Variants in BTBD10 observed in about 807,000 individuals in gnomAD.
The protein encoded by BTBD10 is BTB domain containing 10.
A neutral mutation model predicts 53.2 loss-of-function variants in BTBD10; 21 were observed. The ratio of observed to expected loss-of-function variants is 0.39; its 90% CI spans 0.28 to 0.57. The LOEUF is 0.57. Among genes scored for constraint, BTBD10 ranks in the 20% least tolerant of loss-of-function variants. The pLI is 0.53. For missense variants in BTBD10, 360 were observed against 594.7 expected, an observed-to-expected ratio of 0.61 and a Z score of 4.10; for synonymous variants, 149 against 192.7, an observed-to-expected ratio of 0.77 and a Z score of 1.88.
At chr11:13,427,895 C>A (rs1432659147) in intron 2 of BTBD10, among the ~76,000 whole-genome samples, 1 of 151,678 alleles carries the variant, frequency 6.6e-6, no homozygotes, top group Non-Finnish European at 1.5e-5. Context: ...ATAAATAAAT[C>A]AAAAAGGAAA....
At chr11:13,412,652 A>G (rs1428658122) in intron 6 of BTBD10, among the ~76,000 whole-genome samples, 1 of 152,206 alleles carries the variant, frequency 6.6e-6, no homozygotes, top group Non-Finnish European at 1.5e-5. Flanking sequence ...CCTGGGCACT[A>G]TGGAAGATAT....
At chr11:13,421,423 TAAG>T (rs1950240436) in intron 3 of BTBD10, among the ~76,000 whole-genome samples, 1 of 152,246 alleles carries the variant, frequency 6.6e-6, no homozygotes, top group African/African-American at 2.4e-5. Context: ...ACTTATTTTA[TAAG>T]ACTGTCCCAG....
chr11:13,412,064 C>G (rs1419258425), intron 6 of BTBD10, among the ~76,000 whole-genome samples: 2 of 152,106 alleles, frequency 1.3e-5, no homozygotes, highest in Non-Finnish European at 2.9e-5. Flanking sequence ...CTCCCGACCT[C>G]AGGTGATCCG....
At chr11:13,461,457 G>A (rs963481473) in intron 1 of BTBD10, among the ~76,000 whole-genome samples, 3 of 152,120 alleles carry the variant, frequency 2.0e-5, no homozygotes, top group African/African-American at 4.8e-5. Flanking sequence ...ACTAGTACCC[G>A]AAGGCATGTG....
chr11:13,405,963 C>T (rs1402764256), intron 6 of BTBD10, 107 bp from the exon 7 acceptor site: 1 of 993,280 alleles, frequency 1.0e-6, no homozygotes, highest in Non-Finnish European at 1.5e-6. Context: ...TACATAGGCC[C>T]CCTCATTTTA....
intron 2 of BTBD10, among the ~76,000 whole-genome samples, chr11:13,444,600 T>C (rs1407789183): frequency 6.6e-6 from 1 of 152,174 alleles, no homozygotes; most frequent in Non-Finnish European, 1.5e-5. Context: ...GACAACACAA[T>C]ATAAACTCAG....
intron 1 of BTBD10, among the ~76,000 whole-genome samples, chr11:13,448,663 C>CATCT (rs1203400770): frequency 6.6e-6 from 1 of 152,148 alleles, no homozygotes; most frequent in Non-Finnish European, 1.5e-5. Context: ...AAGCCCTTAT[C>CATCT]ATCTATCAGT....
chr11:13,416,530 A>C (rs1481103833), intron 5 of BTBD10, among the ~76,000 whole-genome samples: 1 of 152,250 alleles, frequency 6.6e-6, no homozygotes, highest in East Asian at 1.9e-4. Flanking sequence ...TGATCGATTT[A>C]CTGTATTTAG....
Position 13,404,384 on chromosome 11 carries a change from A to G in BTBD10, c.1007-1106T>C, listed in dbSNP as rs78476696. 5.8e-3 allele frequency among the ~76,000 whole-genome samples: 890 copies of G among 152,266 alleles called. 10 individuals carry two copies. The highest frequency in any genetic ancestry group is 0.021 in the African/African-American group (866 of 41,568). ...CAAGAAAACAAAAATATTGAAGTGA[A>G]AAGTTCAACAATGGAAAAGAAAACA... On this transcript the variant is annotated intron_variant, in intron 7 of 8. Coordinates refer to ENST00000278174, the MANE Select transcript of BTBD10 (RefSeq NM_032320.7).
chr11:13,447,076 C>T (rs1314885679), intron 1 of BTBD10, among the ~76,000 whole-genome samples: 1 of 152,226 alleles, frequency 6.6e-6, no homozygotes, highest in Non-Finnish European at 1.5e-5. Flanking sequence ...CCTTACTCTA[C>T]ATATCCTCAA....
At chr11:13,420,805 AT>A (rs1209197390) in intron 3 of BTBD10, among the ~76,000 whole-genome samples, 1 of 152,196 alleles carries the variant, frequency 6.6e-6, no homozygotes, top group African/African-American at 2.4e-5. Context: ...ATAATTTATT[AT>A]ATCCTGCTAT....
At chr11:13,436,843 G>A (rs765535585) in intron 2 of BTBD10, among the ~76,000 whole-genome samples, 3 of 152,012 alleles carry the variant, frequency 2.0e-5, no homozygotes, top group Non-Finnish European at 4.4e-5. Context: ...GTGCAGTGGC[G>A]TGATCTCTGC....
At chr11:13,421,320 T>G (rs545906613) in intron 3 of BTBD10, among the ~76,000 whole-genome samples, 1 of 152,316 alleles carries the variant, frequency 6.6e-6, no homozygotes, top group South Asian at 2.1e-4. Context: ...TATCAATAAT[T>G]TACTACAAAC....
At chr11:13,427,963 G>T (rs1215924467) in intron 2 of BTBD10, among the ~76,000 whole-genome samples, 4 of 150,770 alleles carry the variant, frequency 2.7e-5, no homozygotes, top group Non-Finnish European at 4.5e-5. Context: ...ATAATTTGTG[G>T]CATGGTATGA....
intron 8 of BTBD10, among the ~76,000 whole-genome samples, chr11:13,395,536 T>G (rs528916746): frequency 9.8e-5 from 15 of 152,362 alleles, no homozygotes; most frequent in Admixed American, 9.1e-4. Context: ...AGAAGCTCTT[T>G]AGTTTAATTG....
At chr11:13,438,688 A>T (rs1371691414) in intron 2 of BTBD10, among the ~76,000 whole-genome samples, 1 of 151,904 alleles carries the variant, frequency 6.6e-6, no homozygotes, top group Non-Finnish European at 1.5e-5. Flanking sequence ...ATGCCAAAAT[A>T]TTTATTTTTC....
At chr11:13,417,466 C>T (rs1950141904) in intron 4 of BTBD10, among the ~76,000 whole-genome samples, 1 of 151,916 alleles carries the variant, frequency 6.6e-6, no homozygotes, top group Non-Finnish European at 1.5e-5. Context: ...GTATAGATTT[C>T]CTGTAAGCAA....
intron 2 of BTBD10, chr11:13,440,276 G>C (rs375271752): frequency 1.7e-6 from 2 of 1,195,446 alleles, no homozygotes; most frequent in Non-Finnish European, 2.1e-6. Flanking sequence ...AAACAGCATC[G>C]TGTGAGCTGT....
rs767030046 is a variant in BTBD10 at position 13,413,605 on chromosome 11, T to C, written c.733A>G (p.Ile245Val). The change falls in exon 6 of 9, where the codon ATT becomes GTT. Residue 245 changes from isoleucine to valine, a missense_variant. Physicochemically the swap from Ile to Val is conservative, Grantham distance 29. This residue lies in a region of BTBD10 where 91 missense variants were observed against 171.7 expected (regional missense o/e 0.53). Transcript: ENST00000278174. ...GIIRCPDGIS[I>V]PELREACDYL... The stretch of plus-strand genomic sequence containing the variant: ...TCACATGCTTCTCTCAGTTCAGGAA[T>C]AGATATGCCATCAGGACAACGGATT... The C allele has an allele frequency of 2.6e-5, 42 of 1,611,776 alleles. No individual in the cohort carries two copies. The highest frequency in any genetic ancestry group is 7.7e-5 in the South Asian group (7 of 90,940).
Sources: allele counts gnomAD v4.1 joint callset (sites outside exome capture counted in the v4.1 genomes callset), GRCh38; gene constraint gnomAD v4.1.1; regional missense constraint gnomAD v4.1.1; transcripts MANE v1.5; gene names NCBI Gene and HGNC (gene_info 2026-07-23, HGNC 2026-07-21).